Variants in COL5A1 observed in about 807,000 individuals in gnomAD.
COL5A1 encodes the protein collagen alpha-1(V) chain.
A neutral mutation model predicts 263.7 loss-of-function variants in COL5A1; 16 were observed. The ratio of observed to expected loss-of-function variants is 0.06; its 90% CI spans 0.04 to 0.09. The LOEUF is 0.09. COL5A1 is among the 10% of genes least tolerant of loss of function. COL5A1 has a pLI of 1.00. For missense variants in COL5A1, 2,036 were observed against 2,540.5 expected, an observed-to-expected ratio of 0.80 and a Z score of 4.27; for synonymous variants, 1,012 against 1,004.5, an observed-to-expected ratio of 1.01 and a Z score of -0.14.
intron 26 of COL5A1, 36 bp from the exon 27 acceptor site, chr9:134,774,823 G>C (rs771697413): frequency 2.5e-6 from 4 of 1,607,544 alleles, no homozygotes; most frequent in African/African-American, 1.3e-5. Flanking sequence ...CTCCACACTG[G>C]CATGGGGCTA....
chr9:134,729,185 G>A (rs1337605992), intron 6 of COL5A1, among the ~76,000 whole-genome samples: 4 of 152,298 alleles, frequency 2.6e-5, no homozygotes, highest in Non-Finnish European at 5.9e-5. Flanking sequence ...GAGCTCAGGG[G>A]CTCCCCCGGG....
At chr9:134,655,341 A>T (rs1246915253) in intron 1 of COL5A1, among the ~76,000 whole-genome samples, 1 of 151,930 alleles carries the variant, frequency 6.6e-6, no homozygotes, top group African/African-American at 2.4e-5. Flanking sequence ...GAGCTCAGAG[A>T]AGCACAGAGC....
At position 134,731,749 on chromosome 9, in the gene COL5A1, G is replaced by A. The variant is rs1034865047; in HGVS notation, c.1332+86G>A. 4.8e-6 allele frequency: 7 copies of A among 1,463,480 alleles called. No homozygotes were observed. In the East Asian group the frequency reaches 6.9e-5, roughly 14 times the overall value. 90.7% of individuals were successfully genotyped at this position (1,463,480 alleles called of 1,614,324 possible). A position where few individuals can be genotyped will look rare whatever the true frequency, so the allele number is the denominator to read the frequency against. On this transcript the variant is annotated intron_variant, in intron 8 of 65. Transcript: ENST00000371817. ...GCTCCTGCCCAAGAGCCTCCTCAGG[G>A]GTGGGCCTCTACGGGCAGCTCAAGT...
At chr9:134,719,672 C>T (rs1445586104) in intron 4 of COL5A1, among the ~76,000 whole-genome samples, 1 of 152,236 alleles carries the variant, frequency 6.6e-6, no homozygotes, top group Non-Finnish European at 1.5e-5. Flanking sequence ...GCACATCATG[C>T]TCCATATCCT....
intron 26 of COL5A1, among the ~76,000 whole-genome samples, chr9:134,773,069 C>CTGCCCATGACAGGATCGGG (rs1554797330): frequency 1.3e-5 from 2 of 151,024 alleles, no homozygotes; most frequent in African/African-American, 4.9e-5. Context: ...CCTCCAGTTG[C>CTGCCCATGACAGGATCGGG]TGCCCATGAC....
intron 18 of COL5A1, among the ~76,000 whole-genome samples, chr9:134,760,333 G>A (rs1289382557): frequency 4.3e-5 from 2 of 46,128 alleles, no homozygotes; most frequent in East Asian, 8.9e-4. Context: ...CACCACACAT[G>A]CACACACACC....
At chr9:134,649,372 C>A in intron 1 of COL5A1, 1 of 410,460 alleles carries the variant, frequency 2.4e-6, no homozygotes, top group South Asian at 1.9e-5. Flanking sequence ...AGAAATGGAA[C>A]CACAGCCTGA....
chr9:134,812,663 C>T lies in COL5A1; in HGVS notation c.3803C>T (p.Pro1268Leu). Reference protein sequence around the residue: ...GPSGAPGADGPQGPPGGIGNP... With the variant: ...GPSGAPGADGLQGPPGGIGNP... Reference sequence around the variant, plus strand: ...TCCGGAGCTCCAGGTGCTGATGGCCCACAAGGTCCCCCAGGTGGAATAGGA... The same window carrying T: ...TCCGGAGCTCCAGGTGCTGATGGCCTACAAGGTCCCCCAGGTGGAATAGGA... Residue 1268 changes from proline (P) to leucine (L), a missense_variant, in exon 48 of 66, where the codon CCA becomes CTA. Around this residue, in one of 3 missense-constraint regions of COL5A1, gnomAD observed 1,078 missense variants for 1,521.4 expected, o/e 0.71. Transcript: ENST00000371817. 2 of 1,595,684 alleles carry T rather than the reference C, an allele frequency of 1.3e-6. No homozygotes were observed. The highest frequency in any genetic ancestry group is 1.7e-4 in the Middle Eastern group (1 of 6,022).
At chr9:134,748,334 TGCATTCAC>T (rs1261306029) in intron 11 of COL5A1, among the ~76,000 whole-genome samples, 1 of 151,774 alleles carries the variant, frequency 6.6e-6, no homozygotes, top group African/African-American at 2.4e-5. Flanking sequence ...TGCACACACA[TGCATTCAC>T]ACATTCACAC....
In COL5A1 at chr9:134,691,015, G is replaced by A. The variant is rs775666676; in HGVS notation, c.213G>A (p.Pro71=). 5.0e-6 allele frequency: 8 copies of A among 1,613,654 alleles called. No homozygotes were observed. Among genetic ancestry groups the A allele is most frequent in the East Asian group, 2.2e-5 (1 of 44,902 alleles). The change falls in exon 2 of 66, where the codon CCG becomes CCA. Residue 71 remains proline, a synonymous_variant. Coordinates refer to ENST00000371817, the MANE Select transcript of COL5A1 (RefSeq NM_000093.5). ...CCACGCGGCGATCTTCCAAAGGCCC[G>A]GATGTCGCTTACAGAGTCACCAAAG... ...FCATRRSSKG[P]DVAYRVTKDA... is the part of the protein sequence containing the mutation.
At chr9:134,840,053 G>A (rs546337656) in intron 65 of COL5A1, among the ~76,000 whole-genome samples, 10 of 152,366 alleles carry the variant, frequency 6.6e-5, no homozygotes, top group East Asian at 3.9e-4. Context: ...TTAGGACAGC[G>A]TTTCTCAAAG....
intron 11 of COL5A1, among the ~76,000 whole-genome samples, 198 bp from the exon 12 acceptor site, chr9:134,750,344 G>C (rs185541857): frequency 3.7e-4 from 56 of 152,200 alleles, no homozygotes; most frequent in Middle Eastern, 3.4e-3. Flanking sequence ...AAGCCTTTCC[G>C]ATCCTCAGCC....
intron 62 of COL5A1, among the ~76,000 whole-genome samples, chr9:134,825,323 TCTC>T (rs1341224688): frequency 5.9e-5 from 9 of 152,108 alleles, no homozygotes; most frequent in Non-Finnish European, 1.0e-4. Flanking sequence ...AACACATCCT[TCTC>T]CTCACCATCA....
chr9:134,824,371 G>GAT (rs1328570172), intron 61 of COL5A1, among the ~76,000 whole-genome samples: 1 of 152,244 alleles, frequency 6.6e-6, no homozygotes, highest in Non-Finnish European at 1.5e-5. Context: ...AGAGAAAGGA[G>GAT]AGGTGCTCCA....
intron 1 of COL5A1, among the ~76,000 whole-genome samples, chr9:134,654,480 C>T (rs1213363571): frequency 9.9e-6 from 1 of 100,684 alleles, no homozygotes; most frequent in Non-Finnish European, 1.9e-5. Context: ...GTGTGTAGGG[C>T]TGGAGTTGTG....
At chr9:134,665,096 G>A (rs999520633) in intron 1 of COL5A1, among the ~76,000 whole-genome samples, 13 of 151,840 alleles carry the variant, frequency 8.6e-5, no homozygotes, top group African/African-American at 2.9e-4. Flanking sequence ...CTGCTCAGGA[G>A]GCTGAGGCAG....
At chr9:134,773,563 C>T (rs557352516) in intron 26 of COL5A1, among the ~76,000 whole-genome samples, 32 of 152,354 alleles carry the variant, frequency 2.1e-4, no homozygotes, top group African/African-American at 7.7e-4. Flanking sequence ...CCACCTGCTC[C>T]AGGGTTCCAG....
At chr9:134,825,140 G>A (rs998275754) in intron 62 of COL5A1, among the ~76,000 whole-genome samples, 4 of 152,162 alleles carry the variant, frequency 2.6e-5, no homozygotes, top group African/African-American at 7.2e-5. Flanking sequence ...CTTGAACCTC[G>A]TGTTCCTGAC....
intron 28 of COL5A1, among the ~76,000 whole-genome samples, chr9:134,780,777 G>C (rs750714813): frequency 2.0e-4 from 31 of 152,212 alleles, no homozygotes; most frequent in African/African-American, 7.5e-4. Flanking sequence ...CTGCGTGGCC[G>C]GCCACCTTTC....
Sources: allele counts gnomAD v4.1 joint callset (sites outside exome capture counted in the v4.1 genomes callset), GRCh38; gene constraint gnomAD v4.1.1; regional missense constraint gnomAD v4.1.1; transcripts MANE v1.5; gene names NCBI Gene and HGNC (gene_info 2026-07-23, HGNC 2026-07-21).